Variants in NOS1 observed in about 807,000 individuals in gnomAD.
NOS1 encodes the protein NOS type I.
In NOS1, 51 loss-of-function variants were observed where a neutral mutation model predicts 164.5. That is an observed-to-expected ratio of 0.31 (90% CI 0.25 to 0.39). NOS1 has a LOEUF of 0.39. NOS1 is among the 10% of genes least tolerant of loss of function. The probability of loss-of-function intolerance (pLI) is 1.00; values close to 1 mark genes in which losing one functional copy is unlikely to be tolerated. For synonymous variants in NOS1, 719 were observed against 745.8 expected, an observed-to-expected ratio of 0.96 and a Z score of 0.59; for missense variants, 1,362 against 1,885.6, an observed-to-expected ratio of 0.72 and a Z score of 5.14.
At chr12:117,246,201 A>T (rs1260100534) in intron 18 of NOS1, 1 of 156,318 alleles carries the variant, frequency 6.4e-6, no homozygotes, top group African/African-American at 2.4e-5. Flanking sequence ...TTCCCCAGGA[A>T]CTTTAGTGGT....
intron 14 of NOS1, among the ~76,000 whole-genome samples, chr12:117,259,339 T>C (rs552353068): frequency 5.3e-4 from 81 of 152,312 alleles, no homozygotes; most frequent in African/African-American, 1.8e-3. Context: ...AACTAAACGC[T>C]TTTTGGTAGC....
chr12:117,355,905 G>A (rs1004558479), intron 1 of NOS1, among the ~76,000 whole-genome samples: 10 of 152,036 alleles, frequency 6.6e-5, no homozygotes, highest in Non-Finnish European at 1.5e-4. Flanking sequence ...GACCACAGGT[G>A]CACGCCACCA....
At chr12:117,252,224 G>A (rs1871153546) in intron 17 of NOS1, among the ~76,000 whole-genome samples, 1 of 152,182 alleles carries the variant, frequency 6.6e-6, no homozygotes, top group African/African-American at 2.4e-5. Context: ...TCTACTATGA[G>A]AAGACTGGAA....
At chr12:117,355,523 GAA>G (rs1001800522) in intron 1 of NOS1, among the ~76,000 whole-genome samples, 1 of 151,216 alleles carries the variant, frequency 6.6e-6, no homozygotes, top group African/African-American at 2.4e-5. Flanking sequence ...TGACCTAAAG[GAA>G]AAAAAATACT....
rs1317573618 is a variant in NOS1, at chr12:117,232,025, C to A, written c.3342G>T (p.Leu1114=). The A allele has an allele frequency of 6.2e-7, 1 of 1,612,828 alleles. No individual in the cohort carries two copies. The highest frequency in any genetic ancestry group is 8.5e-7 in the Non-Finnish European group (1 of 1,180,018). The part of the protein sequence containing the change: ...DITTPPTPLQ[L]QQFASLATSE... The stretch of plus-strand genomic sequence containing the variant: ...TGGTAGCTAGGGAGGCAAACTGCTG[C>A]AGCTGCAGAGGCGTTGGTGGCGTGG... The change falls in exon 22 of 29, where the codon CTG becomes CTT. Residue 1114 remains leucine, a synonymous_variant. Coordinates refer to ENST00000317775, the MANE Select transcript of NOS1 (RefSeq NM_000620.5).
intron 3 of NOS1, among the ~76,000 whole-genome samples, chr12:117,296,284 T>A (rs1177081099): frequency 6.6e-6 from 1 of 152,164 alleles, no homozygotes; most frequent in Non-Finnish European, 1.5e-5. Flanking sequence ...ATACTGAGTG[T>A]CAACTTCATT....
At position 117,278,117 on chromosome 12, in the gene NOS1, A is replaced by T; in HGVS notation, c.1525-19T>A. 1 of 1,604,192 alleles carries T rather than the reference A, an allele frequency of 6.2e-7. No homozygotes were observed. Among genetic ancestry groups the T allele is most frequent in the Non-Finnish European group, 8.5e-7 (1 of 1,174,286 alleles). ...TGCATATCTGCAAGCAGACCCGGCCAGGTAATGCCACTGTACCCCACACCC... is the reference window on the plus strand; with the variant it reads ...TGCATATCTGCAAGCAGACCCGGCCTGGTAATGCCACTGTACCCCACACCC... On this transcript the variant is annotated intron_variant, in intron 8 of 28. Transcript: ENST00000317775.
At position 117,211,216 on chromosome 12, in the gene NOS1, C is replaced by T. The variant is rs775670343; in HGVS notation, c.*4093G>A. Reference sequence around the variant, plus strand: ...CAACTGATACACCCACCTCGGCCTCCCAAAGTGCTGGGATTACAGACATGA... The same window carrying T: ...CAACTGATACACCCACCTCGGCCTCTCAAAGTGCTGGGATTACAGACATGA... On this transcript the variant is annotated 3_prime_UTR_variant, in exon 29 of 29. Coordinates refer to ENST00000317775, the MANE Select transcript of NOS1 (RefSeq NM_000620.5). 6.1e-6 allele frequency: 6 copies of T among 982,750 alleles called. No homozygotes were observed. The highest frequency in any genetic ancestry group is 7.3e-6 in the Non-Finnish European group (6 of 827,510). 60.9% of individuals were successfully genotyped at this position (982,750 alleles called of 1,614,324 possible).
chr12:117,270,041 GCT>G (rs1281825981), intron 10 of NOS1, among the ~76,000 whole-genome samples: 2 of 152,162 alleles, frequency 1.3e-5, no homozygotes, highest in Non-Finnish European at 2.9e-5. Context: ...CCTTGGAGCT[GCT>G]CTCTAAGCAG....
chr12:117,359,934 A>ATATATC (rs1877056934), intron 1 of NOS1, among the ~76,000 whole-genome samples: 1 of 98,690 alleles, frequency 1.0e-5, no homozygotes, highest in African/African-American at 3.8e-5. Context: ...ATATATATAT[A>ATATATC]TCAGCAACAC....
chr12:117,260,180 G>A (rs767791900), intron 14 of NOS1, among the ~76,000 whole-genome samples: 6 of 151,724 alleles, frequency 4.0e-5, no homozygotes, highest in Non-Finnish European at 8.8e-5. Flanking sequence ...CCATCGAGCT[G>A]TACTTCAGGC....
At position 117,208,611 on chromosome 12, in the gene NOS1, G is replaced by C; in HGVS notation, c.*6698C>G. 8.5e-7 allele frequency: 1 copy of C among 1,173,874 alleles called. No homozygotes were observed. The highest frequency in any genetic ancestry group is 1.1e-6 in the Non-Finnish European group (1 of 932,606). The allele number at this position is 1,173,874 out of a possible 1,614,324, so 72.7% of individuals were successfully genotyped here. Reference sequence around the variant, plus strand: ...TGGCGGCAGAGCACAGGACATGGGAGGGGACTGAGACCCAGCTCAAGAGCA... The same window carrying C: ...TGGCGGCAGAGCACAGGACATGGGACGGGACTGAGACCCAGCTCAAGAGCA... On this transcript the variant is annotated 3_prime_UTR_variant, in exon 29 of 29. Transcript: ENST00000317775.
At chr12:117,305,114 G>C in intron 3 of NOS1, 2 of 970,740 alleles carry the variant, frequency 2.1e-6, no homozygotes, top group Non-Finnish European at 2.4e-6. Flanking sequence ...AACAATGCTA[G>C]GCCCCCTGTG....
intron 5 of NOS1, among the ~76,000 whole-genome samples, chr12:117,286,725 C>T (rs868080340): frequency 1.2e-4 from 19 of 152,138 alleles, no homozygotes; most frequent in Admixed American, 3.3e-4. Context: ...ATAATAAACT[C>T]CCATGTCCCA....
intron 26 of NOS1, among the ~76,000 whole-genome samples, chr12:117,220,587 A>G (rs1956687139): frequency 6.6e-6 from 1 of 152,088 alleles, no homozygotes; most frequent in South Asian, 2.1e-4. Context: ...GGGAGCATTC[A>G]CTACCCACTT....
At chr12:117,296,458 A>G (rs897846075) in intron 3 of NOS1, among the ~76,000 whole-genome samples, 1 of 152,190 alleles carries the variant, frequency 6.6e-6, no homozygotes, top group Non-Finnish European at 1.5e-5. Context: ...AAGCACCAGA[A>G]GAACATAAAA....
In NOS1 at chr12:117,243,707, T is replaced by C. The variant is rs1370525394; in HGVS notation, c.2824-272A>G. Among the ~76,000 whole-genome samples, 1 of 151,396 alleles carries C rather than the reference T, an allele frequency of 6.6e-6. No individual in the cohort carries two copies. The highest frequency in any genetic ancestry group is 2.4e-5 in the African/African-American group (1 of 41,180). ...ATCTACTCTTCCATTCATCTACCCTTCCACCCTCCCATCCATGTATCTATC... is the reference window on the plus strand; with the variant it reads ...ATCTACTCTTCCATTCATCTACCCTCCCACCCTCCCATCCATGTATCTATC... On this transcript the variant is annotated intron_variant, in intron 18 of 28. Coordinates refer to ENST00000317775, the MANE Select transcript of NOS1 (RefSeq NM_000620.5). The surrounding 1 kb of genome is among the most constrained non-coding windows in gnomAD (Gnocchi z 4.3).
At chr12:117,223,558 C>T (rs1868387113) in intron 25 of NOS1, among the ~76,000 whole-genome samples, 2 of 151,318 alleles carry the variant, frequency 1.3e-5, no homozygotes, top group Non-Finnish European at 2.9e-5. Flanking sequence ...CTGTGCCTGG[C>T]CTTTTTATTT....
intron 17 of NOS1, among the ~76,000 whole-genome samples, chr12:117,251,785 G>A (rs1871119192): frequency 6.6e-6 from 1 of 151,682 alleles, no homozygotes; most frequent in African/African-American, 2.4e-5. Flanking sequence ...AGGCTGGAAT[G>A]CAGTGGCGCC....
Sources: allele counts gnomAD v4.1 joint callset (sites outside exome capture counted in the v4.1 genomes callset), GRCh38; gene constraint gnomAD v4.1.1; non-coding constraint Gnocchi (gnomAD v3.1); transcripts MANE v1.5; gene names NCBI Gene and HGNC (gene_info 2026-07-23, HGNC 2026-07-21).